The following SMARCB1 variants were observed in gnomAD, a reference collection of about 807,000 sequenced individuals.
The protein encoded by SMARCB1 is SWI/SNF related BAF chromatin remodeling complex subunit B1.
SMARCB1 carries 5 observed loss-of-function variants against 49.0 expected under a neutral mutation model. That is an observed-to-expected ratio of 0.10 (90% CI 0.05 to 0.21). The LOEUF (loss-of-function observed/expected upper bound fraction) is 0.21. Ranked by LOEUF, SMARCB1 falls within the 10% of genes least tolerant of loss-of-function variation. SMARCB1 has a pLI of 1.00. For missense variants in SMARCB1, 226 were observed against 509.2 expected, an observed-to-expected ratio of 0.44 and a Z score of 5.35; for synonymous variants, 201 against 200.1, an observed-to-expected ratio of 1.00 and a Z score of -0.04.
chr22:23,812,406 A>G (rs554429743), intron 5 of SMARCB1, among the ~76,000 whole-genome samples: 49 of 152,320 alleles, frequency 3.2e-4, no homozygotes, highest in Non-Finnish European at 5.6e-4. Flanking sequence ...ATGTTGACGA[A>G]TGAGTTAACA....
intron 5 of SMARCB1, chr22:23,803,867 G>A: frequency 3.7e-6 from 1 of 273,590 alleles, no homozygotes; most frequent in Non-Finnish European, 7.3e-6. Flanking sequence ...TAAGTCCTGG[G>A]TCAGATGCCA....
chr22:23,836,134 A>G lies in SMARCB1; in HGVS notation c.*1954A>G. On this transcript the variant is annotated 3_prime_UTR_variant, in exon 9 of 9. Coordinates refer to ENST00000644036, the MANE Select transcript of SMARCB1 (RefSeq NM_003073.5). ...GTCCTCAGCTAAAAAGGGCAGGAAC[A>G]GAACCTTCCAGAAGTCCCTGCCTCA... 1.0e-6 allele frequency: 1 copy of G among 985,490 alleles called. No homozygotes were observed. 61.0% of individuals were successfully genotyped at this position (985,490 alleles called of 1,614,324 possible). A position where few individuals can be genotyped will look rare whatever the true frequency, so the allele number is the denominator to read the frequency against.
At chr22:23,802,944 T>C in intron 4 of SMARCB1, 1 of 388,246 alleles carries the variant, frequency 2.6e-6, no homozygotes, top group East Asian at 6.1e-5. Flanking sequence ...TGCTAGAATA[T>C]TTCCTCTTCT....
rs1029122035 is a variant in SMARCB1, at chr22:23,835,164, G to A, written c.*984G>A. The stretch of plus-strand genomic sequence containing the variant: ...TGGAGTTGACACGGTACAGGGAGGA[G>A]ACACAGCCCAGGGTCCCTTCCCAGC... On this transcript the variant is annotated 3_prime_UTR_variant, in exon 9 of 9. Coordinates refer to ENST00000644036, the MANE Select transcript of SMARCB1 (RefSeq NM_003073.5). 6 of 1,308,396 alleles carry A rather than the reference G, an allele frequency of 4.6e-6. No homozygotes were observed. The highest frequency in any genetic ancestry group is 5.8e-6 in the Non-Finnish European group (6 of 1,031,450). 81.0% of individuals were successfully genotyped at this position (1,308,396 alleles called of 1,614,324 possible).
chr22:23,827,511 G>A (rs2030446087), intron 7 of SMARCB1, among the ~76,000 whole-genome samples: 1 of 152,124 alleles, frequency 6.6e-6, no homozygotes, highest in South Asian at 2.1e-4. Context: ...TTATCTCATC[G>A]ACCACTTAGT....
rs1430456503 is a variant in SMARCB1 at position 23,825,689 on chromosome 22, C to G, written c.986+274C>G. 7.9e-6 allele frequency: 4 copies of G among 506,278 alleles called. No homozygotes were observed. In the East Asian group the frequency reaches 1.0e-4, roughly 13 times the overall value. 31.4% of individuals were successfully genotyped at this position (506,278 alleles called of 1,614,324 possible). A position where few individuals can be genotyped will look rare whatever the true frequency, so the allele number is the denominator to read the frequency against. On this transcript the variant is annotated intron_variant, in intron 7 of 8. Transcript: ENST00000644036. Reference sequence around the variant, plus strand: ...CTCAAGTCCTTGCCTCCACGGAGCCCTGGCCTGCCCCCACCATCCACCATT... The same window carrying G: ...CTCAAGTCCTTGCCTCCACGGAGCCGTGGCCTGCCCCCACCATCCACCATT...
At chr22:23,793,470 C>T (rs1015551300) in intron 2 of SMARCB1, 89 bp from the exon 3 acceptor site, 1 of 1,389,452 alleles carries the variant, frequency 7.2e-7, no homozygotes, top group Non-Finnish European at 1.0e-6. Flanking sequence ...CTCCCGCATG[C>T]GAGGACCTTG....
intron 5 of SMARCB1, among the ~76,000 whole-genome samples, chr22:23,812,742 T>C (rs1307914453): frequency 2.6e-5 from 4 of 152,022 alleles, no homozygotes; most frequent in African/African-American, 7.2e-5. Context: ...TCAGATCAGT[T>C]GATACAGAAA....
chr22:23,791,986 C>T (rs1309261415), intron 2 of SMARCB1, 92 bp downstream of exon 2: 1 of 1,399,644 alleles, frequency 7.1e-7, no homozygotes. Context: ...GTCTTCACTG[C>T]AGCCTTGGCC....
At position 23,835,451 on chromosome 22, in the gene SMARCB1, G is replaced by A. The variant is rs2030970469; in HGVS notation, c.*1271G>A. The A allele has an allele frequency of 1.0e-6, 1 of 985,936 alleles. No individual in the cohort carries two copies. Among genetic ancestry groups the A allele is most frequent in the Admixed American group, 6.1e-5 (1 of 16,272 alleles). The allele number at this position is 985,936 out of a possible 1,614,324, so 61.1% of individuals were successfully genotyped here. A position where few individuals can be genotyped will look rare whatever the true frequency, so the allele number is the denominator to read the frequency against. On this transcript the variant is annotated 3_prime_UTR_variant, in exon 9 of 9. Transcript: ENST00000644036. ...CTGGAAGTGGGGTAGGGCCCCATGT[G>A]GGGCAGAGGCAGAGCTCTGATTAGG...
In SMARCB1 at chr22:23,822,368, AG is replaced by A. The variant is rs571860941; in HGVS notation, c.796-2853del. 4.9e-3 allele frequency among the ~76,000 whole-genome samples: 751 copies of A among 152,270 alleles called. 7 individuals carry two copies. Among genetic ancestry groups the A allele is most frequent in the African/African-American group, 0.017 (702 of 41,568 alleles). On this transcript the variant is annotated intron_variant, in intron 6 of 8. Coordinates refer to ENST00000644036, the MANE Select transcript of SMARCB1 (RefSeq NM_003073.5). ...GTGAGTCAGGGCTGGGGAGGTGGGC[AG>A]GGGCCTGGCCCTGCTGTGCACCTGC...
intron 5 of SMARCB1, among the ~76,000 whole-genome samples, chr22:23,809,710 C>T (rs1238020164): frequency 2.0e-5 from 3 of 151,562 alleles, no homozygotes; most frequent in African/African-American, 4.8e-5. Flanking sequence ...CGCGCCCAGC[C>T]GAATGATGGT....
intron 6 of SMARCB1, among the ~76,000 whole-genome samples, chr22:23,819,839 T>C (rs774185878): frequency 6.6e-6 from 1 of 151,840 alleles, no homozygotes; most frequent in Non-Finnish European, 1.5e-5. Flanking sequence ...TTTTCTTTTC[T>C]TTTTCTAGAC....
At chr22:23,808,191 G>A (rs1929633374) in intron 5 of SMARCB1, among the ~76,000 whole-genome samples, 2 of 150,456 alleles carry the variant, frequency 1.3e-5, no homozygotes, top group Non-Finnish European at 1.5e-5. Flanking sequence ...CGCAATTTCG[G>A]CTCACTGCAA....
intron 3 of SMARCB1, among the ~76,000 whole-genome samples, chr22:23,794,163 G>A (rs1389976064): frequency 1.3e-5 from 2 of 152,192 alleles, no homozygotes; most frequent in South Asian, 2.1e-4. Context: ...GGCTGGTCTC[G>A]AAACCCCACC....
intron 4 of SMARCB1, 153 bp from the exon 5 acceptor site, chr22:23,803,142 C>A: frequency 1.0e-6 from 1 of 981,546 alleles, no homozygotes; most frequent in Non-Finnish European, 1.6e-6. Context: ...GGGACCCCTG[C>A]TAGCCTCGTC....
chr22:23,822,857 T>TC (rs150335837), intron 6 of SMARCB1, among the ~76,000 whole-genome samples: 18,499 of 143,276 alleles, frequency 0.13, 1,255 homozygotes, highest in South Asian at 0.29. Context: ...CTGGACTTTC[T>TC]CCCCCTCCCT....
Position 23,803,278 on chromosome 22 carries a change from T to A in SMARCB1, c.501-17T>A. ...CTCCGGCCCCCTCGCTGACTGTTGC[T>A]TCCATTTCACTTTCAGCTTTGATGA... is the stretch of plus-strand genomic sequence containing the variant. On this transcript the variant is annotated splice_polypyrimidine_tract_variant and intron_variant, in intron 4 of 8. Coordinates refer to ENST00000644036, the MANE Select transcript of SMARCB1 (RefSeq NM_003073.5). 10 of 1,614,140 alleles carry A rather than the reference T, an allele frequency of 6.2e-6. No individual in the cohort carries two copies. The highest frequency in any genetic ancestry group is 8.5e-6 in the Non-Finnish European group (10 of 1,180,044).
At chr22:23,808,991 C>T (rs1040882512) in intron 5 of SMARCB1, among the ~76,000 whole-genome samples, 4 of 151,732 alleles carry the variant, frequency 2.6e-5, no homozygotes, top group African/African-American at 9.7e-5. Context: ...AGCCACTGTG[C>T]TCGGCCAATT....
Sources: allele counts gnomAD v4.1 joint callset (sites outside exome capture counted in the v4.1 genomes callset), GRCh38; gene constraint gnomAD v4.1.1; transcripts MANE v1.5; gene names NCBI Gene and HGNC (gene_info 2026-07-23, HGNC 2026-07-21).